ANXA8: variants seen among roughly 807,000 people sequenced by gnomAD.
The protein encoded by ANXA8 is VAC-beta.
ANXA8 carries 9 observed loss-of-function variants against 26.8 expected under a neutral mutation model. That is an observed-to-expected ratio of 0.34 (90% CI 0.20 to 0.59). The LOEUF is 0.59. ANXA8 is among the 20% of genes least tolerant of loss of function. The probability of loss-of-function intolerance (pLI) is 0.84; values close to 1 mark genes in which losing one functional copy is unlikely to be tolerated. For synonymous variants in ANXA8, 39 were observed against 94.8 expected (o/e 0.41, Z 3.42); for missense variants, 83 against 238.5 (o/e 0.35, Z 4.29).
At chr10:47,691,039 AGTCATGGTGCTATC>A in the ANXA8 span, 1 of 1,610,682 alleles carries the variant, frequency 6.2e-7, no homozygotes, top group East Asian at 2.2e-5. Context: ...ATAATTGTTT[AGTCATGGTGCTATC>A]TCCATGCCAT....
chr10:47,653,343 G>A, the ANXA8 span, among the ~76,000 whole-genome samples: 2 of 150,430 alleles, frequency 1.3e-5, no homozygotes, highest in African/African-American at 5.0e-5. Context: ...CAAAAAACCA[G>A]TCAGTACTCT....
the ANXA8 span, among the ~76,000 whole-genome samples, chr10:47,949,744 A>G: frequency 6.7e-6 from 1 of 148,856 alleles, no homozygotes; most frequent in South Asian, 2.1e-4. Flanking sequence ...ACCACTAAAC[A>G]TGAAGCCAGA....
chr10:47,622,006 C>A, the ANXA8 span, among the ~76,000 whole-genome samples: 1 of 108,722 alleles, frequency 9.2e-6, no homozygotes, highest in Non-Finnish European at 2.0e-5. Context: ...TAGTTCTGTC[C>A]CTCATTATCA....
chr10:47,684,356 A>G, the ANXA8 span, among the ~76,000 whole-genome samples: 6 of 151,650 alleles, frequency 4.0e-5, no homozygotes, highest in African/African-American at 1.5e-4. Context: ...AGCCTTTGAT[A>G]TAAACACTTT....
chr10:47,710,184 G>T, the ANXA8 span: 23 of 1,097,798 alleles, frequency 2.1e-5, no homozygotes, highest in Non-Finnish European at 2.7e-5. Flanking sequence ...ATGTAATGTT[G>T]CCATCTTTTG....
At chr10:47,694,258 C>T in the ANXA8 span, among the ~76,000 whole-genome samples, 7 of 150,442 alleles carry the variant, frequency 4.7e-5, no homozygotes, top group African/African-American at 1.2e-4. Flanking sequence ...TCTAGTTCAC[C>T]GAATTCTGAA....
the ANXA8 span, among the ~76,000 whole-genome samples, chr10:47,982,442 A>G: frequency 6.7e-6 from 1 of 149,812 alleles, no homozygotes; most frequent in Non-Finnish European, 1.5e-5. Flanking sequence ...CTGATTTTTG[A>G]CAAAGGTGTC....
At chr10:47,724,697 C>T in the ANXA8 span, among the ~76,000 whole-genome samples, 1 of 140,868 alleles carries the variant, frequency 7.1e-6, no homozygotes, top group Admixed American at 7.2e-5. Context: ...AATTCATATA[C>T]CATCAAATTA....
At chr10:47,595,046 C>G in the ANXA8 span, among the ~76,000 whole-genome samples, 1 of 148,748 alleles carries the variant, frequency 6.7e-6, no homozygotes, top group African/African-American at 2.6e-5. Flanking sequence ...CAAAGGGAAC[C>G]CATCAGACTA....
the ANXA8 span, among the ~76,000 whole-genome samples, chr10:47,776,660 C>A: frequency 6.6e-6 from 1 of 151,874 alleles, no homozygotes; most frequent in Non-Finnish European, 1.5e-5. Context: ...AATCTCTGGC[C>A]AGGAAACTGA....
chr10:47,647,388 CATATT>C, the ANXA8 span, among the ~76,000 whole-genome samples: 1 of 150,750 alleles, frequency 6.6e-6, no homozygotes, highest in African/African-American at 2.5e-5. Flanking sequence ...TGAATGATAT[CATATT>C]ATATTTCTTT....
At chr10:47,666,147 A>G in the ANXA8 span, among the ~76,000 whole-genome samples, 3 of 148,696 alleles carry the variant, frequency 2.0e-5, no homozygotes, top group East Asian at 5.9e-4. Flanking sequence ...TCTCTTGGAT[A>G]TGGATCATCA....
chr10:47,526,413 A>AT, the ANXA8 span, among the ~76,000 whole-genome samples: 67 of 136,710 alleles, frequency 4.9e-4, 12 homozygotes, highest in Non-Finnish European at 7.2e-4. Flanking sequence ...ACAGAACAAC[A>AT]TTTTTTTGAT....
At chr10:47,953,740 T>C in the ANXA8 span, among the ~76,000 whole-genome samples, 1 of 150,346 alleles carries the variant, frequency 6.7e-6, no homozygotes, top group Non-Finnish European at 1.5e-5. Flanking sequence ...AATATCTGAA[T>C]AGACGCTTCT....
the ANXA8 span, among the ~76,000 whole-genome samples, chr10:47,554,455 A>G: frequency 3.3e-5 from 5 of 150,784 alleles, 1 homozygote; most frequent in African/African-American, 4.9e-5. Flanking sequence ...GAGGGAAGGT[A>G]GCATCTTGCC....
At chr10:47,755,279 G>A in the ANXA8 span, among the ~76,000 whole-genome samples, 4 of 146,232 alleles carry the variant, frequency 2.7e-5, no homozygotes, top group Non-Finnish European at 4.5e-5. Context: ...TTTTTGAGAC[G>A]AAGTCTCGCT....
the ANXA8 span, among the ~76,000 whole-genome samples, chr10:47,717,997 CAAAAAAAAAAAAAA>C: frequency 1.8e-5 from 1 of 55,490 alleles, no homozygotes; most frequent in Non-Finnish European, 3.0e-5. Context: ...TACTCTGTCT[CAAAAAAAAAAAAAA>C]AAAAAAAAAG....
the ANXA8 span, among the ~76,000 whole-genome samples, chr10:47,675,426 G>T: frequency 1.3e-5 from 2 of 151,848 alleles, no homozygotes; most frequent in Admixed American, 6.6e-5. Context: ...AAAATTGGTG[G>T]CTTGGCTATG....
At chr10:47,736,918 G>A in the ANXA8 span, among the ~76,000 whole-genome samples, 13 of 151,726 alleles carry the variant, frequency 8.6e-5, no homozygotes, top group African/African-American at 3.1e-4. Context: ...GCCTCCCAAA[G>A]TACTGAGACT....
Sources: gnomAD v4.1 joint callset for allele counts (sites outside exome capture counted in the v4.1 genomes callset) on GRCh38, gnomAD v4.1.1 for gene constraint, MANE v1.5 for transcripts, NCBI Gene and HGNC (gene_info 2026-07-23, HGNC 2026-07-21) for gene names.